PTPRA: variants seen among roughly 807,000 people sequenced by gnomAD.
The protein encoded by PTPRA is protein tyrosine phosphatase receptor type A.
Under a neutral mutation model 104.8 loss-of-function variants are expected in PTPRA, and 25 were observed. That is an observed-to-expected ratio of 0.24 (90% CI 0.17 to 0.33). PTPRA has a LOEUF of 0.33. Among genes scored for constraint, PTPRA ranks in the 10% least tolerant of loss-of-function variants. The pLI is 1.00. For missense variants in PTPRA, 765 were observed against 1,015.3 expected (o/e 0.75, Z 3.35); for synonymous variants, 323 against 368.9 (o/e 0.88, Z 1.43).
At chr20:2,866,235 A>G in the PTPRA span, 1 of 1,613,918 alleles carries the variant, frequency 6.2e-7, no homozygotes, top group Non-Finnish European at 8.5e-7. Context: ...TCTGCATGAA[A>G]CAACATAACA....
chr20:3,015,841 C>T lies in PTPRA; in HGVS notation c.907-8C>T. The T allele has an allele frequency of 3.2e-6, 5 of 1,549,080 alleles. No homozygotes were observed. Among genetic ancestry groups the T allele is most frequent in the Non-Finnish European group, 4.5e-6 (5 of 1,123,150 alleles). On this transcript the variant is annotated splice_polypyrimidine_tract_variant and splice_region_variant and intron_variant, in intron 11 of 23. Coordinates refer to ENST00000399903, the MANE Select transcript of PTPRA (RefSeq NM_001385305.1). Reference sequence around the variant, plus strand: ...CTCTTTCTTTTTCTTTCCTTCCCCACACCCCAGGGCTACCAAGAAAAGAAC... The same window carrying T: ...CTCTTTCTTTTTCTTTCCTTCCCCATACCCCAGGGCTACCAAGAAAAGAAC...
chr20:2,989,751 C>T (rs982072619), intron 9 of PTPRA, among the ~76,000 whole-genome samples: 3 of 152,300 alleles, frequency 2.0e-5, no homozygotes, highest in East Asian at 1.9e-4. Context: ...GGCACGGTGG[C>T]TCACGCCTGT....
intron 20 of PTPRA, among the ~76,000 whole-genome samples, chr20:3,030,411 A>T (rs1234307973): frequency 1.3e-5 from 2 of 152,166 alleles, no homozygotes; most frequent in Non-Finnish European, 2.9e-5. Context: ...TTGGAACAGG[A>T]TGTTAGTGAT....
intron 11 of PTPRA, among the ~76,000 whole-genome samples, chr20:3,012,291 G>T (rs1271214016): frequency 6.6e-6 from 1 of 152,180 alleles, no homozygotes; most frequent in Non-Finnish European, 1.5e-5. Flanking sequence ...GGCCAATTGG[G>T]GGCTATTGCA....
intron 4 of PTPRA, 61 bp from the exon 5 acceptor site, chr20:2,964,800 C>G (rs948788452): frequency 2.9e-5 from 41 of 1,432,974 alleles, no homozygotes; most frequent in Non-Finnish European, 3.8e-5. Context: ...TGCTTTGTGT[C>G]TCACAGCTTT....
At chr20:2,959,669 C>T (rs1600174993) in intron 3 of PTPRA, among the ~76,000 whole-genome samples, 1 of 151,986 alleles carries the variant, frequency 6.6e-6, no homozygotes, top group African/African-American at 2.4e-5. Flanking sequence ...ATGGAGAGTT[C>T]CGGCCAGGCG....
chr20:2,909,782 T>TATAATATATATTAG (rs2059562205), intron 1 of PTPRA, among the ~76,000 whole-genome samples: 2 of 132,460 alleles, frequency 1.5e-5, no homozygotes, highest in Non-Finnish European at 3.1e-5. Context: ...TATAAGATAA[T>TATAATATATATTAG]ATAATATATA....
intron 1 of PTPRA, among the ~76,000 whole-genome samples, chr20:2,896,671 A>G (rs2059013529): frequency 6.6e-6 from 1 of 152,230 alleles, no homozygotes; most frequent in African/African-American, 2.4e-5. Flanking sequence ...GGAAATAAAT[A>G]TTGATATAAT....
chr20:2,925,812 C>G (rs1371178476), intron 2 of PTPRA, among the ~76,000 whole-genome samples: 2 of 151,244 alleles, frequency 1.3e-5, no homozygotes, highest in Non-Finnish European at 2.9e-5. Flanking sequence ...GAGGCTGTCT[C>G]AATTGAAAAA....
At chr20:2,969,390 C>T (rs1198158267) in intron 5 of PTPRA, among the ~76,000 whole-genome samples, 1 of 151,594 alleles carries the variant, frequency 6.6e-6, no homozygotes, top group Non-Finnish European at 1.5e-5. Flanking sequence ...TGGGATTACA[C>T]ATGCCCACCA....
intron 11 of PTPRA, among the ~76,000 whole-genome samples, chr20:3,013,173 T>G (rs2064260831): frequency 6.6e-6 from 1 of 152,110 alleles, no homozygotes; most frequent in South Asian, 2.1e-4. Flanking sequence ...TCACTTAACT[T>G]TTTGCGTAGA....
chr20:3,010,559 C>T (rs1211245952), intron 11 of PTPRA, among the ~76,000 whole-genome samples: 2 of 151,968 alleles, frequency 1.3e-5, no homozygotes, highest in African/African-American at 2.4e-5. Context: ...ACCTGGGAGG[C>T]GGAGCTTGCA....
At chr20:2,939,394 A>AG (rs971630920) in intron 2 of PTPRA, among the ~76,000 whole-genome samples, 3 of 152,158 alleles carry the variant, frequency 2.0e-5, no homozygotes, top group Non-Finnish European at 2.9e-5. Flanking sequence ...CATGGAGAAG[A>AG]GGGGAAAGGC....
At chr20:2,984,947 C>A (rs2062839396) in intron 6 of PTPRA, among the ~76,000 whole-genome samples, 1 of 152,190 alleles carries the variant, frequency 6.6e-6, no homozygotes, top group South Asian at 2.1e-4. Flanking sequence ...CTCTCCCCAC[C>A]CTGCTTTTTA....
chr20:2,876,484 A>G (rs920159029), intron 1 of PTPRA, among the ~76,000 whole-genome samples: 8 of 152,180 alleles, frequency 5.3e-5, no homozygotes, highest in Non-Finnish European at 1.0e-4. Context: ...TTTACTTAAC[A>G]TATTTAGGAA....
At chr20:2,966,699 G>A (rs1236307527) in intron 5 of PTPRA, among the ~76,000 whole-genome samples, 1 of 152,124 alleles carries the variant, frequency 6.6e-6, no homozygotes, top group Non-Finnish European at 1.5e-5. Context: ...ATGTTTTATA[G>A]GTGAAAGTAT....
chr20:3,017,318 C>G (rs1281475997), intron 12 of PTPRA, among the ~76,000 whole-genome samples: 1 of 152,160 alleles, frequency 6.6e-6, no homozygotes, highest in African/African-American at 2.4e-5. Context: ...TTATTTTCCT[C>G]TGTTTGCCTC....
At chr20:2,959,143 A>G (rs2147881485) in intron 3 of PTPRA, among the ~76,000 whole-genome samples, 1 of 152,282 alleles carries the variant, frequency 6.6e-6, no homozygotes, top group Middle Eastern at 3.4e-3. Flanking sequence ...AGTACCTGTT[A>G]GTGACATGGA....
At position 2,930,064 on chromosome 20, in the gene PTPRA, G is replaced by C. The variant is rs146215134; in HGVS notation, c.-50+6779G>C. Among the ~76,000 whole-genome samples the C allele has an allele frequency of 1.3e-3, 205 of 152,308 alleles. 1 individual carries two copies. Among genetic ancestry groups the C allele is most frequent in the African/African-American group, 4.6e-3 (193 of 41,574 alleles). On this transcript the variant is annotated intron_variant, in intron 2 of 23. Coordinates refer to ENST00000399903, the MANE Select transcript of PTPRA (RefSeq NM_001385305.1). ...CACTTTCATCTTGGACTTCTAGCCT[G>C]TACAGCTGTGAGAAAATAAATTTCT...
Sources: allele counts gnomAD v4.1 joint callset (sites outside exome capture counted in the v4.1 genomes callset), GRCh38; gene constraint gnomAD v4.1.1; transcripts MANE v1.5; gene names NCBI Gene and HGNC (gene_info 2026-07-23, HGNC 2026-07-21).